The following SPIRE1 variants were observed in gnomAD, a reference collection of about 807,000 sequenced individuals.
SPIRE1 encodes the protein spire type actin nucleation factor 1.
Under a neutral mutation model 94.1 loss-of-function variants are expected in SPIRE1, and 40 were observed. The ratio of observed to expected loss-of-function variants is 0.43; its 90% CI spans 0.33 to 0.55. The LOEUF (loss-of-function observed/expected upper bound fraction) is 0.55, where lower values mean the gene tolerates loss of function less well. Ranked by LOEUF, SPIRE1 falls within the 20% of genes least tolerant of loss-of-function variation. SPIRE1 has a pLI of 0.06. For missense variants in SPIRE1, 838 were observed against 975.2 expected, an observed-to-expected ratio of 0.86 and a Z score of 1.87; for synonymous variants, 376 against 371.7, an observed-to-expected ratio of 1.01 and a Z score of -0.13.
intron 2 of SPIRE1, among the ~76,000 whole-genome samples, chr18:12,607,617 AC>A (rs1322597641): frequency 5.9e-5 from 9 of 151,738 alleles, no homozygotes; most frequent in Non-Finnish European, 1.0e-4. Context: ...ACACACACAC[AC>A]ACACACACAC....
At chr18:12,452,993 T>C (rs1196116208) in intron 14 of SPIRE1, 75 bp downstream of exon 14, 3 of 919,674 alleles carry the variant, frequency 3.3e-6, no homozygotes, top group Middle Eastern at 2.4e-4. Flanking sequence ...AGAAAGATGG[T>C]GAAATAAGGA....
chr18:12,575,182 G>GCT (rs1169500306), intron 2 of SPIRE1, among the ~76,000 whole-genome samples: 1 of 151,910 alleles, frequency 6.6e-6, no homozygotes, highest in East Asian at 1.9e-4. Flanking sequence ...TGAAGATGAT[G>GCT]GAAAGACAGG....
chr18:12,574,735 G>C (rs1173761482), intron 2 of SPIRE1, among the ~76,000 whole-genome samples: 4 of 152,138 alleles, frequency 2.6e-5, no homozygotes, highest in African/African-American at 9.7e-5. Flanking sequence ...AGGAGAAGAA[G>C]AACTAAACAT....
chr18:12,592,177 A>C (rs1434816419), intron 2 of SPIRE1, among the ~76,000 whole-genome samples: 1 of 152,080 alleles, frequency 6.6e-6, no homozygotes, highest in Non-Finnish European at 1.5e-5. Context: ...AGATGAGATC[A>C]CTGTCCTGGA....
intron 8 of SPIRE1, among the ~76,000 whole-genome samples, chr18:12,488,697 G>A (rs1598923744): frequency 6.6e-6 from 1 of 152,048 alleles, no homozygotes; most frequent in African/African-American, 2.4e-5. Flanking sequence ...ATATACACAC[G>A]TCAATAAAGG....
chr18:12,564,156 A>T (rs1324597764), intron 2 of SPIRE1, among the ~76,000 whole-genome samples: 1 of 152,214 alleles, frequency 6.6e-6, no homozygotes, highest in Non-Finnish European at 1.5e-5. Context: ...GGAAAATTAA[A>T]GGGTCCCAGC....
chr18:12,605,124 T>C (rs1431259491), intron 2 of SPIRE1, among the ~76,000 whole-genome samples: 1 of 152,178 alleles, frequency 6.6e-6, no homozygotes, highest in African/African-American at 2.4e-5. Context: ...GTTTCAGTTT[T>C]GCAAAATGAA....
chr18:12,479,170 CTTTTTCTTTTTTTTTTTTTTTT>C (rs2032746216), intron 10 of SPIRE1, among the ~76,000 whole-genome samples: 1 of 132,266 alleles, frequency 7.6e-6, no homozygotes. Flanking sequence ...TTTTTTTTTT[CTTTTTCTTTTTTTTTTTTTTTT>C]GAGACAGAGT....
At chr18:12,620,446 T>C (rs999275650) in intron 2 of SPIRE1, among the ~76,000 whole-genome samples, 1 of 152,082 alleles carries the variant, frequency 6.6e-6, no homozygotes, top group African/African-American at 2.4e-5. Context: ...GCAAGAGCAA[T>C]CAAGGCAACA....
chr18:12,543,305 A>T (rs1292491328), intron 3 of SPIRE1, among the ~76,000 whole-genome samples: 2 of 152,152 alleles, frequency 1.3e-5, no homozygotes, highest in African/African-American at 2.4e-5. Flanking sequence ...AACAAAACAA[A>T]AAAAGATCTC....
chr18:12,518,500 A>C (rs1319718767), intron 4 of SPIRE1, among the ~76,000 whole-genome samples: 1 of 141,638 alleles, frequency 7.1e-6, no homozygotes, highest in Non-Finnish European at 1.5e-5. Context: ...TCACACACAC[A>C]AAAAAAAAAA....
intron 2 of SPIRE1, among the ~76,000 whole-genome samples, chr18:12,614,653 TAAAAATAC>T (rs1465989617): frequency 6.6e-6 from 1 of 151,410 alleles, no homozygotes; most frequent in Admixed American, 6.6e-5. Context: ...CCGTCTCTAC[TAAAAATAC>T]AAGAAAAGTA....
intron 6 of SPIRE1, among the ~76,000 whole-genome samples, chr18:12,502,429 A>T (rs1406210544): frequency 6.6e-6 from 1 of 152,218 alleles, no homozygotes; most frequent in Non-Finnish European, 1.5e-5. Context: ...ACCTAAGATT[A>T]ACATTAAGTG....
At chr18:12,661,304 AT>A (rs2038691770), upstream of SPIRE1, 1 of 914,712 alleles carries the variant, frequency 1.1e-6, no homozygotes. Context: ...GTGAGCCTTC[AT>A]CTCAAAAAAG....
At chr18:12,624,064 C>T in intron 2 of SPIRE1, among the ~76,000 whole-genome samples, 1 of 151,198 alleles carries the variant, frequency 6.6e-6, no homozygotes, top group East Asian at 2.0e-4. Flanking sequence ...GCTGGGATTA[C>T]AGGCACGTGT....
intron 4 of SPIRE1, among the ~76,000 whole-genome samples, chr18:12,522,134 GC>G (rs1237320175): frequency 2.6e-5 from 4 of 152,206 alleles, no homozygotes; most frequent in African/African-American, 9.6e-5. Flanking sequence ...TAGGCTCCTT[GC>G]ACCAAACAGC....
chr18:12,563,593 T>C (rs995213461), intron 2 of SPIRE1, among the ~76,000 whole-genome samples: 4 of 152,196 alleles, frequency 2.6e-5, no homozygotes, highest in Admixed American at 2.6e-4. Flanking sequence ...TTCATCTATA[T>C]AGTCCAATGA....
intron 2 of SPIRE1, among the ~76,000 whole-genome samples, chr18:12,579,186 T>TACACACACACACAC (rs755425946): frequency 4.3e-4 from 47 of 108,574 alleles, no homozygotes; most frequent in Non-Finnish European, 8.0e-4. Context: ...GGAAAAAGTT[T>TACACACACACACAC]ACACACACAC....
At chr18:12,623,435 A>G (rs770671992) in intron 2 of SPIRE1, among the ~76,000 whole-genome samples, 20 of 152,152 alleles carry the variant, frequency 1.3e-4, no homozygotes, top group East Asian at 3.9e-4. Flanking sequence ...TTACAGGTGT[A>G]AGCCACTGCG....
Sources: allele counts gnomAD v4.1 joint callset (sites outside exome capture counted in the v4.1 genomes callset), GRCh38; gene constraint gnomAD v4.1.1; transcripts MANE v1.5; gene names NCBI Gene and HGNC (gene_info 2026-07-23, HGNC 2026-07-21).